Variants in NXPH2 observed in about 807,000 individuals in gnomAD.
The protein encoded by NXPH2 is neurexophilin-2.
NXPH2 carries 5 observed loss-of-function variants against 19.8 expected under a neutral mutation model. The ratio of observed to expected loss-of-function variants is 0.25; its 90% CI spans 0.13 to 0.53. The LOEUF is 0.53. Among genes scored for constraint, NXPH2 ranks in the 20% least tolerant of loss-of-function variants. NXPH2 has a pLI of 0.96. For synonymous variants in NXPH2, 154 were observed against 127.4 expected, an observed-to-expected ratio of 1.21 and a Z score of -1.41; for missense variants, 289 against 322.8, an observed-to-expected ratio of 0.90 and a Z score of 0.80.
chr2:138,673,630 A>G (rs541286518), intron 1 of NXPH2, among the ~76,000 whole-genome samples: 37 of 151,996 alleles, frequency 2.4e-4, no homozygotes, highest in African/African-American at 8.2e-4. Context: ...TTTTATTTAA[A>G]AAAATGGGAT....
intron 1 of NXPH2, among the ~76,000 whole-genome samples, chr2:138,770,701 G>T (rs902177505): frequency 2.6e-5 from 4 of 151,878 alleles, no homozygotes; most frequent in Admixed American, 2.6e-4. Context: ...ATTTTAAAAT[G>T]TCAGCCATAA....
chr2:138,744,804 G>A (rs954879388), intron 1 of NXPH2, among the ~76,000 whole-genome samples: 59 of 152,156 alleles, frequency 3.9e-4, no homozygotes, highest in African/African-American at 1.4e-3. Context: ...CACGAATCAA[G>A]CTCACTTCTT....
intron 1 of NXPH2, among the ~76,000 whole-genome samples, chr2:138,713,879 T>C (rs1286322929): frequency 2.6e-5 from 4 of 152,142 alleles, no homozygotes; most frequent in Non-Finnish European, 4.4e-5. Flanking sequence ...TACTGATTTT[T>C]ATCTGCTTGC....
chr2:138,726,167 T>C (rs1681354614), intron 1 of NXPH2, among the ~76,000 whole-genome samples: 1 of 151,994 alleles, frequency 6.6e-6, no homozygotes, highest in African/African-American at 2.4e-5. Flanking sequence ...CTCGGCCTCC[T>C]GAGTAGCTGG....
intron 1 of NXPH2, among the ~76,000 whole-genome samples, chr2:138,764,743 C>T (rs915228136): frequency 1.3e-5 from 2 of 152,136 alleles, no homozygotes; most frequent in African/African-American, 2.4e-5. Context: ...CAATGAACTA[C>T]AAATTAGCTT....
At chr2:138,683,091 T>C (rs1213721364) in intron 1 of NXPH2, among the ~76,000 whole-genome samples, 1 of 152,198 alleles carries the variant, frequency 6.6e-6, no homozygotes, top group Non-Finnish European at 1.5e-5. Flanking sequence ...AAATATGATA[T>C]GGCTGTGTGT....
At chr2:138,676,349 C>G (rs1261779192) in intron 1 of NXPH2, among the ~76,000 whole-genome samples, 1 of 152,132 alleles carries the variant, frequency 6.6e-6, no homozygotes, top group African/African-American at 2.4e-5. Context: ...GTTGAGAGCT[C>G]AGGCACCCTT....
Position 138,780,254 on chromosome 2 carries a change from C to G in NXPH2, c.-13G>C. 1.4e-6 allele frequency: 2 copies of G among 1,424,796 alleles called. No individual in the cohort carries two copies. Among genetic ancestry groups the G allele is most frequent in the Non-Finnish European group, 1.8e-6 (2 of 1,100,120 alleles). 88.3% of individuals were successfully genotyped at this position (1,424,796 alleles called of 1,614,324 possible). On this transcript the variant is annotated 5_prime_UTR_variant, in exon 1 of 2. Transcript: ENST00000272641. ...GCCGCAGGCGCATGGTGCCGGCTGG[C>G]GCGGCTTTTCACGAGCTGCGCGCCC... is the stretch of plus-strand genomic sequence containing the variant.
chr2:138,717,116 C>T (rs563443385), intron 1 of NXPH2, among the ~76,000 whole-genome samples: 1 of 151,996 alleles, frequency 6.6e-6, no homozygotes, highest in Admixed American at 6.6e-5. Flanking sequence ...CAATGGAGTG[C>T]TATGAAGCTG....
chr2:138,699,215 A>AT (rs1680879082), intron 1 of NXPH2, among the ~76,000 whole-genome samples: 1 of 152,146 alleles, frequency 6.6e-6, no homozygotes, highest in South Asian at 2.1e-4. Flanking sequence ...GTACAAACCC[A>AT]TTTTGCAGTT....
At chr2:138,715,612 C>T (rs116110596) in intron 1 of NXPH2, among the ~76,000 whole-genome samples, 1 of 152,170 alleles carries the variant, frequency 6.6e-6, no homozygotes, top group Admixed American at 6.5e-5. Context: ...GGTGGGTTTC[C>T]CAGGAGGGCA....
intron 1 of NXPH2, among the ~76,000 whole-genome samples, chr2:138,711,592 G>A (rs182918853): frequency 3.9e-5 from 6 of 152,220 alleles, no homozygotes; most frequent in Admixed American, 1.3e-4. Flanking sequence ...CATATACAGT[G>A]CAGATTCTTT....
intron 1 of NXPH2, among the ~76,000 whole-genome samples, chr2:138,720,095 G>A (rs1254938772): frequency 6.6e-6 from 1 of 150,540 alleles, no homozygotes; most frequent in East Asian, 2.0e-4. Flanking sequence ...CTATTGAAAT[G>A]TTCTGGGATT....
At chr2:138,695,791 A>G (rs548742677) in intron 1 of NXPH2, among the ~76,000 whole-genome samples, 1 of 152,322 alleles carries the variant, frequency 6.6e-6, no homozygotes, top group Admixed American at 6.5e-5. Flanking sequence ...AAACCCACAC[A>G]ATTCATAGAC....
chr2:138,711,986 T>C lies in NXPH2; in HGVS notation c.52-40321A>G, dbSNP rs114774181. 2.9e-3 allele frequency among the ~76,000 whole-genome samples: 442 copies of C among 152,312 alleles called. 1 individual carries two copies. The highest frequency in any genetic ancestry group is 0.01 in the African/African-American group (416 of 41,570). On this transcript the variant is annotated intron_variant, in intron 1 of 1. Coordinates refer to ENST00000272641, the MANE Select transcript of NXPH2 (RefSeq NM_007226.3). ...TGGGGTGTCACTAGAAGAGGGCAGA[T>C]GGCTGGCTGCCAAGTGGTTTCATAG...
chr2:138,769,251 G>A (rs1450913720), intron 1 of NXPH2, among the ~76,000 whole-genome samples: 2 of 152,194 alleles, frequency 1.3e-5, no homozygotes, highest in Non-Finnish European at 1.5e-5. Flanking sequence ...GCTGGGGATG[G>A]AGAGGAAGAG....
chr2:138,756,313 A>G (rs1681907660), intron 1 of NXPH2, among the ~76,000 whole-genome samples: 1 of 152,068 alleles, frequency 6.6e-6, no homozygotes, highest in African/African-American at 2.4e-5. Context: ...TTCCCTCAGA[A>G]TGGGTGTTAT....
At position 138,669,737 on chromosome 2, in the gene NXPH2, T is replaced by C. The variant is rs1680386718; in HGVS notation, c.*1185A>G. Reference sequence around the variant, plus strand: ...TTAATGATCATTCAGTTCTACCATATAGGACTGCTATTCACCCCCACAGGG... The same window carrying C: ...TTAATGATCATTCAGTTCTACCATACAGGACTGCTATTCACCCCCACAGGG... On this transcript the variant is annotated 3_prime_UTR_variant, in exon 2 of 2. Transcript: ENST00000272641. Among the ~76,000 whole-genome samples the C allele has an allele frequency of 6.6e-6, 1 of 151,942 alleles. No individual in the cohort carries two copies. The highest frequency in any genetic ancestry group is 2.1e-4 in the South Asian group (1 of 4,822).
intron 1 of NXPH2, among the ~76,000 whole-genome samples, chr2:138,765,274 A>G (rs911897989): frequency 3.3e-5 from 5 of 152,188 alleles, no homozygotes; most frequent in Non-Finnish European, 4.4e-5. Flanking sequence ...TTCTCCATAT[A>G]TATAAAGGGA....
Sources: allele counts gnomAD v4.1 joint callset (sites outside exome capture counted in the v4.1 genomes callset), GRCh38; gene constraint gnomAD v4.1.1; transcripts MANE v1.5; gene names NCBI Gene and HGNC (gene_info 2026-07-23, HGNC 2026-07-21).